Variants in CR1 observed in about 807,000 individuals in gnomAD.
The protein encoded by CR1 is complement receptor type 1.
CR1 carries 116 observed loss-of-function variants against 187.3 expected under a neutral mutation model. That is an observed-to-expected ratio of 0.62 (90% CI 0.53 to 0.72). The LOEUF (loss-of-function observed/expected upper bound fraction) is 0.72. Ranked by LOEUF, CR1 falls within the 30% of genes least tolerant of loss-of-function variation. The pLI, the probability that CR1 is intolerant of heterozygous loss-of-function variation, is 0.00. For missense variants in CR1, 1,731 were observed against 2,110.7 expected (o/e 0.82, Z 3.52); for synonymous variants, 576 against 747.1 (o/e 0.77, Z 3.73).
chr1:207,496,167 C>A lies in CR1; in HGVS notation c.-101C>A. 2.5e-6 allele frequency: 4 copies of A among 1,596,378 alleles called. No individual in the cohort carries two copies. The highest frequency in any genetic ancestry group is 3.4e-6 in the Non-Finnish European group (4 of 1,169,932). ...CCCGCAGCCCTCCCCACACTCTGGG[C>A]GCGGAGCACAATGATTGGTCACTCC... On this transcript the variant is annotated 5_prime_UTR_variant, in exon 1 of 47. Transcript: ENST00000367049.
At position 207,616,718 on chromosome 1, in the gene CR1, A is replaced by C; in HGVS notation, c.6805A>C (p.Ser2269Arg). ...RGMTFNLIGE[S>R]SIRCTSDPQG... ...GATGACCTTCAACCTCATTGGGGAG[A>C]GCTCCATCCGCTGCACAAGTGACCC... The change falls in exon 41 of 47, where the codon AGC becomes CGC. Residue 2269 changes from serine (S) to arginine (R), a missense_variant. Transcript: ENST00000367049. 6.2e-7 allele frequency: 1 copy of C among 1,613,806 alleles called. No individual in the cohort carries two copies. The highest frequency in any genetic ancestry group is 1.1e-5 in the South Asian group (1 of 91,064).
intron 4 of CR1, among the ~76,000 whole-genome samples, chr1:207,517,588 T>G (rs1475912555): frequency 6.6e-6 from 1 of 152,166 alleles, no homozygotes; most frequent in Non-Finnish European, 1.5e-5. Context: ...GTAACATTAT[T>G]TTTCCTTATA....
chr1:207,501,768 C>G (rs1419362804), intron 1 of CR1, among the ~76,000 whole-genome samples: 1 of 152,210 alleles, frequency 6.6e-6, no homozygotes, highest in Non-Finnish European at 1.5e-5. Context: ...CTCAATACAG[C>G]TTTTGGCGCT....
intron 1 of CR1, among the ~76,000 whole-genome samples, chr1:207,498,001 T>C (rs1388933959): frequency 6.6e-6 from 1 of 152,230 alleles, no homozygotes; most frequent in African/African-American, 2.4e-5. Flanking sequence ...GGTGGAGTTT[T>C]ATGAAATCTA....
At position 207,616,795 on chromosome 1, in the gene CR1, T is replaced by A; in HGVS notation, c.6882T>A (p.Val2294=). The A allele has an allele frequency of 6.2e-7, 1 of 1,613,928 alleles. No individual in the cohort carries two copies. Residue 2294 remains valine (V), a synonymous_variant, in exon 41 of 47, where the codon GTT becomes GTA. Transcript: ENST00000367049. ...CTGCCCCTCGCTGTGAACTTTCTGT[T>A]CCTGCTGGTTAGTACCTGCTTCCAC... The part of the protein sequence containing the change: ...SSPAPRCELS[V]PAACPHPPKI...
intron 46 of CR1, among the ~76,000 whole-genome samples, chr1:207,633,333 AT>A (rs1662708982): frequency 6.6e-6 from 1 of 152,234 alleles, no homozygotes; most frequent in Admixed American, 6.5e-5. Context: ...AAATATAAAA[AT>A]TACCTGCAAT....
chr1:207,565,733 G>A (rs189408273), intron 23 of CR1, 105 bp from the exon 24 acceptor site: 2 of 1,467,934 alleles, frequency 1.4e-6, no homozygotes, highest in African/African-American at 3.0e-5. Context: ...CCATCTGCTG[G>A]CCTCAGATCC....
chr1:207,576,534 T>C (rs534242320), intron 28 of CR1, among the ~76,000 whole-genome samples: 16 of 152,354 alleles, frequency 1.1e-4, no homozygotes, highest in African/African-American at 3.6e-4. Context: ...GATGTTATAC[T>C]GAGCCACGTG....
At chr1:207,586,364 G>C (rs956515238) in intron 33 of CR1, among the ~76,000 whole-genome samples, 1 of 152,130 alleles carries the variant, frequency 6.6e-6, no homozygotes, top group Non-Finnish European at 1.5e-5. Flanking sequence ...TTGAACTCCT[G>C]GGCTAAAGCA....
intron 42 of CR1, 26 bp downstream of exon 42, chr1:207,618,273 T>C (rs1473329208): frequency 6.2e-7 from 1 of 1,607,304 alleles, no homozygotes. Flanking sequence ...GTATTCCTTA[T>C]TCTTGCTGGG....
intron 4 of CR1, among the ~76,000 whole-genome samples, chr1:207,515,424 C>T (rs1442313250): frequency 6.6e-6 from 1 of 151,606 alleles, no homozygotes; most frequent in Non-Finnish European, 1.5e-5. Context: ...AGATATAGAA[C>T]ATTATCAGCA....
chr1:207,576,389 T>C (rs1449298157), intron 28 of CR1, among the ~76,000 whole-genome samples: 1 of 152,246 alleles, frequency 6.6e-6, no homozygotes, highest in Non-Finnish European at 1.5e-5. Context: ...CAGGGTGGTA[T>C]GGCTGTAAAT....
intron 46 of CR1, 36 bp downstream of exon 46, chr1:207,630,657 A>G: frequency 7.1e-7 from 1 of 1,410,996 alleles, no homozygotes; most frequent in Non-Finnish European, 9.6e-7. Context: ...AATGTTTTCA[A>G]CAACTCAAAT....
At position 207,523,720 on chromosome 1, in the gene CR1, C is replaced by T. The variant is rs769316843; in HGVS notation, c.597C>T (p.Ser199=). The T allele has an allele frequency of 3.2e-5, 52 of 1,612,770 alleles. No individual in the cohort carries two copies. In the East Asian group the frequency reaches 4.9e-4, roughly 15 times the overall value. The stretch of plus-strand genomic sequence containing the variant: ...TGACCTACCGCTGCAATCCTGGAAG[C>T]GGAGGGAGAAAGGTGTTTGAGCTTG... ...SVVTYRCNPG[S]GGRKVFELVG... The change falls in exon 5 of 47, where the codon AGC becomes AGT. Residue 199 remains serine, a synonymous_variant. Transcript: ENST00000367049.
intron 40 of CR1, 52 bp from the exon 41 acceptor site, chr1:207,616,523 G>A: frequency 2.5e-6 from 4 of 1,579,636 alleles, no homozygotes; most frequent in Non-Finnish European, 3.5e-6. Flanking sequence ...TATTGTTTCA[G>A]TCATCTTAAG....
chr1:207,605,259 A>AT lies in CR1; in HGVS notation c.5811-1992_5811-1991insT. 2.1e-5 allele frequency among the ~76,000 whole-genome samples: 3 copies of AT among 142,104 alleles called. 1 individual carries two copies. In the East Asian group the frequency reaches 5.9e-4, roughly 28 times the overall value. The allele number at this position is 142,104 out of a possible 152,430, so 93.2% of individuals were successfully genotyped here. ...TGGGTGATAGATCCAGACCCTGTCA[A>AT]AAAAAAAAAAAAGAAAGAAAGAAAA... is the stretch of plus-strand genomic sequence containing the variant. On this transcript the variant is annotated intron_variant, in intron 35 of 46. Coordinates refer to ENST00000367049, the MANE Select transcript of CR1 (RefSeq NM_000651.6).
Position 207,622,010 on chromosome 1 carries a change from A to T in CR1, c.7276+14A>T. 2 of 1,591,984 alleles carry T rather than the reference A, an allele frequency of 1.3e-6. No individual in the cohort carries two copies. Among genetic ancestry groups the T allele is most frequent in the Non-Finnish European group, 1.7e-6 (2 of 1,166,858 alleles). On this transcript the variant is annotated intron_variant, in intron 44 of 46. Transcript: ENST00000367049. Reference sequence around the variant, plus strand: ...CTCTCATAGTTGGTAAGTTTTATGAAAGTTTTGCTGAGGAATTCTGGCATC... The same window carrying T: ...CTCTCATAGTTGGTAAGTTTTATGATAGTTTTGCTGAGGAATTCTGGCATC...
chr1:207,566,883 C>T (rs1364568678), intron 24 of CR1, among the ~76,000 whole-genome samples: 2 of 150,076 alleles, frequency 1.3e-5, no homozygotes, highest in Admixed American at 6.6e-5. Context: ...TAGAAATATA[C>T]TTGGACATCT....
chr1:207,609,413 T>C lies in CR1; in HGVS notation c.6020T>C (p.Leu2007Pro), dbSNP rs1661845789. Reference protein sequence around the residue: ...QCHTGPDGEQLFELVGERSIY... With the variant: ...QCHTGPDGEQPFELVGERSIY... ...CACACTGGACCAGATGGAGAACAGC[T>C]GTTTGAGCTTGTGGGAGAACGGTCA... Residue 2007 changes from leucine (L) to proline (P), a missense_variant, in exon 37 of 47, where the codon CTG becomes CCG. Transcript: ENST00000367049. 6.2e-7 allele frequency: 1 copy of C among 1,614,006 alleles called. No individual in the cohort carries two copies. The highest frequency in any genetic ancestry group is 1.3e-5 in the African/African-American group (1 of 75,040).
Sources: allele counts gnomAD v4.1 joint callset (sites outside exome capture counted in the v4.1 genomes callset), GRCh38; gene constraint gnomAD v4.1.1; transcripts MANE v1.5; gene names NCBI Gene and HGNC (gene_info 2026-07-23, HGNC 2026-07-21).